The following TAMM41 variants were observed in gnomAD, a reference collection of about 807,000 sequenced individuals.
The protein encoded by TAMM41 is phosphatidate cytidylyltransferase, mitochondrial.
TAMM41 carries 36 observed loss-of-function variants against 44.1 expected under a neutral mutation model. That is an observed-to-expected ratio of 0.82 (90% CI 0.63 to 1.08). The LOEUF (loss-of-function observed/expected upper bound fraction) is 1.08. TAMM41 is among the 50% of genes least tolerant of loss of function. The probability of loss-of-function intolerance (pLI) is 0.00; values close to 1 mark genes in which losing one functional copy is unlikely to be tolerated. For synonymous variants in TAMM41, 164 were observed against 153.1 expected (o/e 1.07, Z -0.53); for missense variants, 417 against 404.3 (o/e 1.03, Z -0.27).
At chr3:11,821,536 G>A (rs1224432734) in intron 4 of TAMM41, among the ~76,000 whole-genome samples, 1 of 152,186 alleles carries the variant, frequency 6.6e-6, no homozygotes, top group Non-Finnish European at 1.5e-5. Context: ...AATGAAGCTC[G>A]CCCACCACTC....
Position 11,838,082 on chromosome 3 carries a change from C to G in TAMM41, c.411+1140G>C, listed in dbSNP as rs146394456. 2.5e-3 allele frequency among the ~76,000 whole-genome samples: 379 copies of G among 152,342 alleles called. 5 individuals carry two copies. Among genetic ancestry groups the G allele is most frequent in the African/African-American group, 8.8e-3 (368 of 41,586 alleles). ...TGGGCTCAGTTCCACAAGCCTCCCC[C>G]ACTTCAGACACCAATCACAAGTCCA... On this transcript the variant is annotated intron_variant, in intron 3 of 7. Transcript: ENST00000455809.
chr3:11,805,029 C>T (rs1311996394), intron 7 of TAMM41, among the ~76,000 whole-genome samples: 2 of 112,638 alleles, frequency 1.8e-5, no homozygotes, highest in Non-Finnish European at 3.5e-5. Flanking sequence ...TTTTTTGAGA[C>T]GAAGTCTCAC....
chr3:11,773,037 A>G, the TAMM41 span, among the ~76,000 whole-genome samples: 2 of 152,076 alleles, frequency 1.3e-5, no homozygotes, highest in African/African-American at 4.8e-5. Flanking sequence ...GCTCACTGCA[A>G]CCTTCGCCTC....
intron 7 of TAMM41, among the ~76,000 whole-genome samples, chr3:11,802,089 T>A (rs1185805762): frequency 6.6e-6 from 1 of 152,086 alleles, no homozygotes; most frequent in East Asian, 1.9e-4. Context: ...CATGGTAGTG[T>A]GCACTGTAGT....
chr3:11,771,761 T>G, the TAMM41 span, among the ~76,000 whole-genome samples: 1 of 151,870 alleles, frequency 6.6e-6, no homozygotes, highest in African/African-American at 2.4e-5. Context: ...TTTTGTATTT[T>G]TAGTAGAGAT....
intron 3 of TAMM41, among the ~76,000 whole-genome samples, chr3:11,838,885 C>T (rs927313953): frequency 1.3e-5 from 2 of 152,032 alleles, no homozygotes; most frequent in Non-Finnish European, 1.5e-5. Context: ...TATCTAGGGG[C>T]CCATCAAGAG....
At chr3:11,813,733 G>A (rs1575643287) in intron 5 of TAMM41, among the ~76,000 whole-genome samples, 1 of 151,896 alleles carries the variant, frequency 6.6e-6, no homozygotes, top group South Asian at 2.1e-4. Context: ...AGGATCGCTT[G>A]AGCCCAGGAG....
downstream of TAMM41, among the ~76,000 whole-genome samples, chr3:11,788,835 G>A (rs765097478): frequency 9.9e-5 from 15 of 152,064 alleles, no homozygotes; most frequent in African/African-American, 2.9e-4. Flanking sequence ...TACTCGGGAC[G>A]CTGAAGCAGG....
the TAMM41 span, among the ~76,000 whole-genome samples, chr3:11,777,512 G>A: frequency 2.0e-5 from 3 of 152,218 alleles, no homozygotes; most frequent in African/African-American, 7.2e-5. Context: ...CAGTTCAGCA[G>A]GCCGGGTGCG....
chr3:11,807,258 A>G, intron 7 of TAMM41: 5 of 1,433,404 alleles, frequency 3.5e-6, no homozygotes, highest in Non-Finnish European at 4.5e-6. Context: ...CTAATTAGCC[A>G]AAACCACCAG....
intron 7 of TAMM41, 91 bp downstream of exon 7, chr3:11,807,742 C>A (rs946880568): frequency 1.3e-6 from 2 of 1,536,048 alleles, no homozygotes; most frequent in African/African-American, 1.4e-5. Flanking sequence ...TTCACAAGCA[C>A]CTAAAAGATA....
intron 3 of TAMM41, among the ~76,000 whole-genome samples, chr3:11,832,676 G>C (rs1206155377): frequency 6.6e-6 from 1 of 152,154 alleles, no homozygotes; most frequent in Non-Finnish European, 1.5e-5. Flanking sequence ...CCGGGATCCA[G>C]TCCCAGGATT....
At chr3:11,812,544 A>G (rs2078121472) in intron 5 of TAMM41, among the ~76,000 whole-genome samples, 1 of 152,102 alleles carries the variant, frequency 6.6e-6, no homozygotes, top group Non-Finnish European at 1.5e-5. Context: ...TCCTATCACT[A>G]CAGCTCTAGA....
At chr3:11,725,900 GAC>G in the TAMM41 span, among the ~76,000 whole-genome samples, 1 of 152,276 alleles carries the variant, frequency 6.6e-6, no homozygotes, top group African/African-American at 2.4e-5. Context: ...CACAACCAAT[GAC>G]ACGTGTGGAA....
At chr3:11,727,286 C>T in the TAMM41 span, among the ~76,000 whole-genome samples, 3 of 152,112 alleles carry the variant, frequency 2.0e-5, no homozygotes. Flanking sequence ...TGCTTATGCC[C>T]CTCACTCCTC....
chr3:11,834,139 G>A (rs978393488), intron 3 of TAMM41, among the ~76,000 whole-genome samples: 3 of 152,092 alleles, frequency 2.0e-5, no homozygotes, highest in Non-Finnish European at 4.4e-5. Context: ...GGCTACTCAG[G>A]AGGCTGAGAT....
At chr3:11,728,530 C>T in the TAMM41 span, among the ~76,000 whole-genome samples, 1 of 152,260 alleles carries the variant, frequency 6.6e-6, no homozygotes, top group African/African-American at 2.4e-5. Flanking sequence ...TAATCCTCTT[C>T]CTTTCTTTCT....
At chr3:11,842,062 A>G (rs2079469922) in intron 2 of TAMM41, among the ~76,000 whole-genome samples, 1 of 152,130 alleles carries the variant, frequency 6.6e-6, no homozygotes, top group Non-Finnish European at 1.5e-5. Context: ...CCTGCCCTTT[A>G]AAGCGTGGGC....
At chr3:11,797,525 C>T (rs2077634781) in intron 7 of TAMM41, among the ~76,000 whole-genome samples, 2 of 152,234 alleles carry the variant, frequency 1.3e-5, no homozygotes, top group East Asian at 3.9e-4. Context: ...AATTGCAAAG[C>T]TATAAAAACC....
Sources: gnomAD v4.1 joint callset for allele counts (sites outside exome capture counted in the v4.1 genomes callset) on GRCh38, gnomAD v4.1.1 for gene constraint, MANE v1.5 for transcripts, NCBI Gene and HGNC (gene_info 2026-07-23, HGNC 2026-07-21) for gene names.